Variants in GLP2R observed in about 807,000 individuals in gnomAD.
GLP2R encodes glucagon like peptide 2 receptor, also known as glucagon-like peptide 2 receptor.
A neutral mutation model predicts 68.2 loss-of-function variants in GLP2R; 59 were observed. The ratio of observed to expected loss-of-function variants is 0.87; its 90% CI spans 0.70 to 1.07. GLP2R has a LOEUF of 1.07. GLP2R is among the 50% of genes least tolerant of loss of function. GLP2R has a pLI of 0.00. For synonymous variants in GLP2R, 270 were observed against 265.4 expected, an observed-to-expected ratio of 1.02 and a Z score of -0.17; for missense variants, 548 against 677.4, an observed-to-expected ratio of 0.81 and a Z score of 2.12.
At chr17:9,857,766 A>G (rs1306292995) in intron 6 of GLP2R, among the ~76,000 whole-genome samples, 190 bp downstream of exon 6, 3 of 118,368 alleles carry the variant, frequency 2.5e-5, no homozygotes, top group Non-Finnish European at 5.0e-5. Flanking sequence ...GGTGAAAGAA[A>G]CCAAAACAGA....
chr17:9,841,682 A>C (rs1433192735), intron 3 of GLP2R, among the ~76,000 whole-genome samples: 3 of 152,128 alleles, frequency 2.0e-5, no homozygotes, highest in Non-Finnish European at 4.4e-5. Flanking sequence ...TTGAGATGTC[A>C]ATTAGACACC....
intron 10 of GLP2R, among the ~76,000 whole-genome samples, chr17:9,876,650 G>A (rs909621912): frequency 2.0e-5 from 3 of 152,184 alleles, no homozygotes; most frequent in African/African-American, 7.2e-5. Flanking sequence ...TGTTTCAGGG[G>A]AGAAGGGCGG....
intron 8 of GLP2R, among the ~76,000 whole-genome samples, 157 bp from the exon 9 acceptor site, chr17:9,861,864 G>A (rs559736494): frequency 6.6e-6 from 1 of 152,334 alleles, no homozygotes; most frequent in South Asian, 2.1e-4. Context: ...GAAGGGATTT[G>A]GGTTCTCTCT....
intron 11 of GLP2R, among the ~76,000 whole-genome samples, chr17:9,881,956 A>T (rs2067200154): frequency 6.6e-6 from 1 of 151,878 alleles, no homozygotes; most frequent in Non-Finnish European, 1.5e-5. Flanking sequence ...TAAAGAGAGG[A>T]TCTACAAAAG....
At chr17:9,867,158 T>C (rs983239963) in intron 9 of GLP2R, among the ~76,000 whole-genome samples, 3 of 152,218 alleles carry the variant, frequency 2.0e-5, no homozygotes, top group Admixed American at 1.3e-4. Flanking sequence ...TTGGGGAACA[T>C]GGATCAGAGG....
chr17:9,851,633 C>G (rs1457333515), intron 4 of GLP2R, among the ~76,000 whole-genome samples: 1 of 151,868 alleles, frequency 6.6e-6, no homozygotes, highest in East Asian at 1.9e-4. Context: ...TCTGGAAGAG[C>G]TCAAAGTCTA....
rs2066622660 is a variant in GLP2R at position 9,826,006 on chromosome 17, C to T, written c.-58C>T. The T allele has an allele frequency of 3.9e-5, 54 of 1,377,710 alleles. 1 individual carries two copies. Among genetic ancestry groups the T allele is most frequent in the Non-Finnish European group, 5.1e-5 (51 of 995,660 alleles). 85.3% of individuals were successfully genotyped at this position (1,377,710 alleles called of 1,614,324 possible). A position where few individuals can be genotyped will look rare whatever the true frequency, so the allele number is the denominator to read the frequency against. On this transcript the variant is annotated 5_prime_UTR_variant, in exon 1 of 13. Transcript: ENST00000262441. ...GAGGAATGCAAGAGGAGGCTGCCTG[C>T]GGTGCATCTTGGACGGCTAGAGAGA...
intron 4 of GLP2R, among the ~76,000 whole-genome samples, chr17:9,845,660 A>G (rs139810125): frequency 1.3e-5 from 2 of 152,106 alleles, no homozygotes; most frequent in Non-Finnish European, 2.9e-5. Flanking sequence ...GGCTGTGATC[A>G]TAGTTCACTT....
At chr17:9,858,691 T>C (rs1302447377) in intron 6 of GLP2R, among the ~76,000 whole-genome samples, 1 of 152,234 alleles carries the variant, frequency 6.6e-6, no homozygotes, top group Non-Finnish European at 1.5e-5. Context: ...CTGTCAGCTA[T>C]AGCAAATGAG....
At chr17:9,843,063 C>T (rs2066803676) in intron 4 of GLP2R, among the ~76,000 whole-genome samples, 1 of 150,268 alleles carries the variant, frequency 6.7e-6, no homozygotes, top group South Asian at 2.1e-4. Flanking sequence ...ATGGCACCTG[C>T]CCCTCCCTGA....
chr17:9,854,440 T>C (rs1397355642), intron 4 of GLP2R, 55 bp from the exon 5 acceptor site: 12 of 1,035,442 alleles, frequency 1.2e-5, no homozygotes, highest in Non-Finnish European at 1.7e-5. Flanking sequence ...GAGCTGGGGG[T>C]TGTGGCCATA....
rs1160128069 is a variant in GLP2R, at chr17:9,880,362, T to C, written c.1146-16T>C. Reference sequence around the variant, plus strand: ...CCATGTGGCCCTCTTGACTGTTATTTGGTTGTCATTTACAGATTGGCAAAA... The same window carrying C: ...CCATGTGGCCCTCTTGACTGTTATTCGGTTGTCATTTACAGATTGGCAAAA... On this transcript the variant is annotated splice_polypyrimidine_tract_variant and intron_variant, in intron 10 of 12. Transcript: ENST00000262441. The C allele has an allele frequency of 6.4e-7, 1 of 1,558,610 alleles. No homozygotes were observed. The highest frequency in any genetic ancestry group is 1.4e-5 in the African/African-American group (1 of 73,676).
intron 9 of GLP2R, 58 bp downstream of exon 9, chr17:9,862,148 C>T: frequency 1.6e-6 from 2 of 1,227,732 alleles, no homozygotes. Context: ...GGGGAATCCC[C>T]CCGCCCCACC....
rs183461816 is a variant in GLP2R at position 9,840,955 on chromosome 17, C to G, written c.383-1540C>G. ...GATCTTAGGGGGCTTCGTGAAAGGC[C>G]AGAAGACTTTTTCTCAGAAAGCCCT... On this transcript the variant is annotated intron_variant, in intron 3 of 12. Transcript: ENST00000262441. 1.6e-3 allele frequency among the ~76,000 whole-genome samples: 246 copies of G among 151,328 alleles called. 5 individuals carry two copies. The South Asian group carries it at 0.028, about 17-fold the overall frequency.
intron 10 of GLP2R, among the ~76,000 whole-genome samples, chr17:9,876,876 T>C (rs182456271): frequency 7.2e-5 from 11 of 152,362 alleles, no homozygotes; most frequent in Admixed American, 7.2e-4. Flanking sequence ...TAGTAATAAC[T>C]AAAATGTATT....
At chr17:9,851,634 T>A (rs2066892124) in intron 4 of GLP2R, among the ~76,000 whole-genome samples, 1 of 151,398 alleles carries the variant, frequency 6.6e-6, no homozygotes, top group Non-Finnish European at 1.5e-5. Context: ...CTGGAAGAGC[T>A]CAAAGTCTAC....
intron 4 of GLP2R, among the ~76,000 whole-genome samples, chr17:9,845,888 C>T (rs2066833760): frequency 2.0e-5 from 3 of 151,986 alleles, no homozygotes; most frequent in African/African-American, 7.2e-5. Flanking sequence ...AGTTAGTCTA[C>T]TTTCGTAGAG....
intron 6 of GLP2R, among the ~76,000 whole-genome samples, chr17:9,859,351 T>C (rs1428726353): frequency 6.6e-6 from 1 of 152,190 alleles, no homozygotes; most frequent in African/African-American, 2.4e-5. Flanking sequence ...ATGGTGAATT[T>C]TCTACATTTT....
At chr17:9,838,004 G>A (rs1597378151) in intron 3 of GLP2R, among the ~76,000 whole-genome samples, 2 of 152,186 alleles carry the variant, frequency 1.3e-5, no homozygotes, top group East Asian at 3.8e-4. Flanking sequence ...TTTCTGGGTG[G>A]GAGAGTTAGT....
Sources: gnomAD v4.1 joint callset for allele counts (sites outside exome capture counted in the v4.1 genomes callset) on GRCh38, gnomAD v4.1.1 for gene constraint, MANE v1.5 for transcripts, NCBI Gene and HGNC (gene_info 2026-07-23, HGNC 2026-07-21) for gene names.